GSG1L: variants seen among roughly 807,000 people sequenced by gnomAD.
GSG1L encodes GSG1 like, also known as germ cell-specific gene 1-like protein.
Under a neutral mutation model 42.1 loss-of-function variants are expected in GSG1L, and 24 were observed. That is an observed-to-expected ratio of 0.57 (90% CI 0.41 to 0.80). The LOEUF (loss-of-function observed/expected upper bound fraction) is 0.80, where lower values mean the gene tolerates loss of function less well. GSG1L is among the 30% of genes least tolerant of loss of function. GSG1L has a pLI of 0.00. For synonymous variants in GSG1L, 215 were observed against 203.5 expected, an observed-to-expected ratio of 1.06 and a Z score of -0.48; for missense variants, 445 against 472.2, an observed-to-expected ratio of 0.94 and a Z score of 0.53.
chr16:27,957,058 CACA>C (rs1567534300), intron 2 of GSG1L, among the ~76,000 whole-genome samples: 1 of 152,170 alleles, frequency 6.6e-6, no homozygotes, highest in East Asian at 1.9e-4. Flanking sequence ...GTATCAAGTT[CACA>C]ACATCAACTG....
At chr16:27,957,589 T>C (rs929035468) in intron 2 of GSG1L, among the ~76,000 whole-genome samples, 1 of 152,186 alleles carries the variant, frequency 6.6e-6, no homozygotes. Context: ...GTCTTGGGCT[T>C]GTAAGGGACA....
At chr16:28,048,035 A>G (rs1482119757) in intron 1 of GSG1L, among the ~76,000 whole-genome samples, 2 of 150,932 alleles carry the variant, frequency 1.3e-5, no homozygotes, top group Non-Finnish European at 2.9e-5. Flanking sequence ...CCTGGGCAAC[A>G]TAGTAACACC....
At chr16:27,802,266 T>C (rs1421219843) in intron 6 of GSG1L, among the ~76,000 whole-genome samples, 1 of 152,306 alleles carries the variant, frequency 6.6e-6, no homozygotes, top group East Asian at 1.9e-4. Context: ...GTCTCCTTAG[T>C]AATGATTTGT....
intron 2 of GSG1L, among the ~76,000 whole-genome samples, chr16:27,892,354 T>A (rs911153348): frequency 3.3e-5 from 5 of 150,654 alleles, no homozygotes; most frequent in Non-Finnish European, 5.9e-5. Flanking sequence ...ACTTGGGAGG[T>A]TGAGGTGGGA....
intron 1 of GSG1L, among the ~76,000 whole-genome samples, chr16:27,979,293 T>G (rs1169473683): frequency 6.6e-6 from 1 of 151,670 alleles, no homozygotes; most frequent in Non-Finnish European, 1.5e-5. Flanking sequence ...AGGTCGGACA[T>G]GATAGCTCAC....
intron 2 of GSG1L, among the ~76,000 whole-genome samples, chr16:27,922,086 A>T (rs1222172953): frequency 6.8e-6 from 1 of 147,226 alleles, no homozygotes; most frequent in African/African-American, 2.5e-5. Flanking sequence ...TCAACATTTC[A>T]TTTATTTACC....
At chr16:27,889,593 T>C (rs1055390826) in intron 2 of GSG1L, among the ~76,000 whole-genome samples, 1 of 152,318 alleles carries the variant, frequency 6.6e-6, no homozygotes, top group Admixed American at 6.5e-5. Context: ...TGGGAACTTA[T>C]ATTTCTCTCT....
intron 3 of GSG1L, among the ~76,000 whole-genome samples, chr16:27,882,703 G>A (rs918816414): frequency 1.3e-5 from 2 of 152,070 alleles, no homozygotes; most frequent in Non-Finnish European, 2.9e-5. Flanking sequence ...CACTCATCCC[G>A]ACTCCCTGGG....
At chr16:27,883,993 C>T (rs1825796119) in intron 3 of GSG1L, among the ~76,000 whole-genome samples, 2 of 152,212 alleles carry the variant, frequency 1.3e-5, no homozygotes, top group African/African-American at 4.8e-5. Context: ...TTTGATCATT[C>T]GACTTCCCAT....
chr16:27,967,679 A>G (rs2085150165), intron 1 of GSG1L, among the ~76,000 whole-genome samples: 1 of 152,174 alleles, frequency 6.6e-6, no homozygotes, highest in South Asian at 2.1e-4. Context: ...TAATCTCAGC[A>G]CTTTCGGAGG....
At chr16:27,902,538 G>A (rs565261048) in intron 2 of GSG1L, among the ~76,000 whole-genome samples, 4 of 151,972 alleles carry the variant, frequency 2.6e-5, no homozygotes, top group East Asian at 1.9e-4. Context: ...CGGGAGGTTC[G>A]CCCAAGCTTC....
intron 3 of GSG1L, among the ~76,000 whole-genome samples, chr16:27,854,743 G>A (rs1383029998): frequency 1.3e-5 from 2 of 152,158 alleles, no homozygotes; most frequent in Admixed American, 1.3e-4. Context: ...CTCTTCACCT[G>A]GACTGAGCTC....
intron 2 of GSG1L, among the ~76,000 whole-genome samples, chr16:27,886,822 C>T (rs953581047): frequency 2.6e-5 from 4 of 152,192 alleles, no homozygotes; most frequent in African/African-American, 4.8e-5. Context: ...GAAGGAACTA[C>T]GGACCAGGCA....
rs182114412 is a variant in GSG1L, at chr16:27,890,010, A to G, written c.398-5372T>C. Among the ~76,000 whole-genome samples the G allele has an allele frequency of 5.3e-5, 8 of 152,286 alleles. No individual in the cohort carries two copies. The East Asian group carries it at 1.3e-3, about 26-fold the overall frequency. The stretch of plus-strand genomic sequence containing the variant: ...TAGGTAGTGGCATAGTCTAGATTCA[A>G]ACTCATGCCTCTCTGCCTCCAGGAA... On this transcript the variant is annotated intron_variant, in intron 2 of 6. Transcript: ENST00000447459.
chr16:27,800,677 T>C (rs998091158), intron 6 of GSG1L, among the ~76,000 whole-genome samples: 19 of 152,170 alleles, frequency 1.2e-4, no homozygotes, highest in Non-Finnish European at 1.5e-5. Context: ...AATAACATCT[T>C]TGGGGACAGT....
intron 1 of GSG1L, among the ~76,000 whole-genome samples, chr16:28,029,115 G>C (rs926552223): frequency 6.6e-6 from 1 of 152,156 alleles, no homozygotes; most frequent in African/African-American, 2.4e-5. Context: ...TCAAGGTAAG[G>C]GTCCTTGAGC....
chr16:27,865,562 T>TATACAC (rs2083709101), intron 3 of GSG1L, among the ~76,000 whole-genome samples: 1 of 25,964 alleles, frequency 3.9e-5, no homozygotes, highest in African/African-American at 1.8e-4. Flanking sequence ...TATATATATA[T>TATACAC]ATATATATAT....
At position 27,828,920 on chromosome 16, in the gene GSG1L, G is replaced by A. The variant is rs1183236079; in HGVS notation, c.699C>T (p.Ala233=). The A allele has an allele frequency of 1.2e-6, 2 of 1,614,190 alleles. No homozygotes were observed. The change falls in exon 5 of 7, where the codon GCC becomes GCT. Residue 233 remains alanine (A), a synonymous_variant. Transcript: ENST00000447459. ...AWGSFTCCMA[A]SVTTLNSYTK... Reference sequence around the variant, plus strand: ...TGTAGGAGTTGAGCGTGGTGACAGAGGCTGCCATGCAGCAGGTAAAGGAGC... The same window carrying A: ...TGTAGGAGTTGAGCGTGGTGACAGAAGCTGCCATGCAGCAGGTAAAGGAGC...
chr16:27,869,823 C>T (rs1250078908), intron 3 of GSG1L, among the ~76,000 whole-genome samples: 1 of 149,104 alleles, frequency 6.7e-6, no homozygotes, highest in South Asian at 2.1e-4. Flanking sequence ...ATCTCTCTCT[C>T]TCTGTCTCCC....
Sources: gnomAD v4.1 joint callset for allele counts (sites outside exome capture counted in the v4.1 genomes callset) on GRCh38, gnomAD v4.1.1 for gene constraint, MANE v1.5 for transcripts, NCBI Gene and HGNC (gene_info 2026-07-23, HGNC 2026-07-21) for gene names.